The following RBM47 variants were observed in gnomAD, a reference collection of about 807,000 sequenced individuals.
The protein encoded by RBM47 is RNA binding motif protein 47.
A neutral mutation model predicts 47.1 loss-of-function variants in RBM47; 21 were observed. The observed-to-expected ratio is 0.45, with a 90% CI of 0.32 to 0.64. The LOEUF (loss-of-function observed/expected upper bound fraction) is 0.64, where lower values mean the gene tolerates loss of function less well. Ranked by LOEUF, RBM47 falls within the 30% of genes least tolerant of loss-of-function variation. RBM47 has a pLI of 0.05. For synonymous variants in RBM47, 375 were observed against 361.7 expected (o/e 1.04, Z -0.42); for missense variants, 708 against 870.9 (o/e 0.81, Z 2.35).
chr4:40,513,841 C>G (rs763029766), intron 2 of RBM47, among the ~76,000 whole-genome samples: 29 of 152,166 alleles, frequency 1.9e-4, no homozygotes, highest in Non-Finnish European at 3.8e-4. Flanking sequence ...GCCTCAGCCT[C>G]CTGAGTAGCT....
At chr4:40,429,461 A>C (rs1715551301) in intron 6 of RBM47, among the ~76,000 whole-genome samples, 1 of 152,058 alleles carries the variant, frequency 6.6e-6, no homozygotes, top group South Asian at 2.1e-4. Flanking sequence ...GGGTCTTGGA[A>C]TGTATCCCCC....
intron 2 of RBM47, among the ~76,000 whole-genome samples, chr4:40,472,494 G>A (rs1044227422): frequency 2.0e-5 from 3 of 151,214 alleles, no homozygotes; most frequent in Non-Finnish European, 2.9e-5. Context: ...CCTGGGAGGT[G>A]GAGGTTGCAG....
At chr4:40,500,390 A>G (rs1041164715) in intron 2 of RBM47, among the ~76,000 whole-genome samples, 3 of 152,108 alleles carry the variant, frequency 2.0e-5, no homozygotes, top group South Asian at 2.1e-4. Flanking sequence ...GATGGGCGAA[A>G]TGCTTGAATC....
intron 1 of RBM47, among the ~76,000 whole-genome samples, chr4:40,604,562 G>C (rs1735575317): frequency 6.6e-6 from 1 of 152,150 alleles, no homozygotes; most frequent in South Asian, 2.1e-4. Context: ...GGGAGTTAAA[G>C]GCTGCAGTGA....
chr4:40,618,808 CAAAAAA>C (rs35543412), intron 1 of RBM47, among the ~76,000 whole-genome samples: 3 of 27,608 alleles, frequency 1.1e-4, no homozygotes, highest in East Asian at 1.3e-3. Flanking sequence ...GACTCCATCT[CAAAAAA>C]AAAAAAAAAA....
intron 2 of RBM47, among the ~76,000 whole-genome samples, chr4:40,528,150 T>C (rs7665507): frequency 0.57 from 87,382 of 152,088 alleles, 28,277 homozygotes; most frequent in African/African-American, 0.89. Context: ...TGGTGGCTCA[T>C]GCCTGTAATC....
chr4:40,574,014 A>T (rs1396607830), intron 1 of RBM47, among the ~76,000 whole-genome samples: 1 of 152,218 alleles, frequency 6.6e-6, no homozygotes, highest in Non-Finnish European at 1.5e-5. Context: ...CTTTTGCCAC[A>T]AAGCTTTCAT....
intron 4 of RBM47, 108 bp downstream of exon 4, chr4:40,437,663 C>T: frequency 8.2e-7 from 1 of 1,212,406 alleles, no homozygotes; most frequent in Non-Finnish European, 1.2e-6. Flanking sequence ...GTGGGAGGGC[C>T]TTCAGCACCT....
At chr4:40,489,538 T>C (rs950857755) in intron 2 of RBM47, among the ~76,000 whole-genome samples, 8 of 152,170 alleles carry the variant, frequency 5.3e-5, no homozygotes, top group Non-Finnish European at 1.2e-4. Context: ...AGAAATACTA[T>C]GAACAATTAT....
At chr4:40,522,765 A>G (rs969878051) in intron 2 of RBM47, among the ~76,000 whole-genome samples, 1 of 152,142 alleles carries the variant, frequency 6.6e-6, no homozygotes, top group Non-Finnish European at 1.5e-5. Flanking sequence ...GAAAAAATAT[A>G]AACGACATGA....
At chr4:40,482,486 T>C (rs1720570626) in intron 2 of RBM47, among the ~76,000 whole-genome samples, 1 of 152,074 alleles carries the variant, frequency 6.6e-6, no homozygotes, top group African/African-American at 2.4e-5. Context: ...ACTCCTGACC[T>C]CAGGTAATCC....
chr4:40,533,657 ACTGGAT>A (rs1339522636), intron 2 of RBM47, among the ~76,000 whole-genome samples: 2 of 151,852 alleles, frequency 1.3e-5, no homozygotes, highest in Admixed American at 6.6e-5. Flanking sequence ...ATTTTTTGAG[ACTGGAT>A]CTCAGTCTGT....
At chr4:40,579,151 G>A (rs1342066737) in intron 1 of RBM47, among the ~76,000 whole-genome samples, 9 of 149,360 alleles carry the variant, frequency 6.0e-5, no homozygotes, top group South Asian at 2.1e-4. Context: ...AGCCAGGCAC[G>A]GTGGCTCACG....
At chr4:40,478,245 C>A (rs868344094) in intron 2 of RBM47, among the ~76,000 whole-genome samples, 2 of 151,950 alleles carry the variant, frequency 1.3e-5, no homozygotes, top group Non-Finnish European at 2.9e-5. Flanking sequence ...GAACTCCCGA[C>A]CTCAGGTGAT....
At chr4:40,586,649 C>T (rs1229666439) in intron 1 of RBM47, among the ~76,000 whole-genome samples, 1 of 150,688 alleles carries the variant, frequency 6.6e-6, no homozygotes, top group Non-Finnish European at 1.5e-5. Flanking sequence ...GAGAATGGGA[C>T]TCCTGAGAAC....
At position 40,581,349 on chromosome 4, in the gene RBM47, G is replaced by A. The variant is rs1732898903; in HGVS notation, c.-239-36843C>T. On this transcript the variant is annotated intron_variant, in intron 1 of 6. Coordinates refer to ENST00000295971, the MANE Select transcript of RBM47 (RefSeq NM_001098634.2). ...AGGTGGGAAGATCCCTTGAGTCCGG[G>A]AAGCAGCGGTTGCAGTGAGCCGAGC... Among the ~76,000 whole-genome samples, 4 of 151,778 alleles carry A rather than the reference G, an allele frequency of 2.6e-5. No individual in the cohort carries two copies. The South Asian group carries it at 8.3e-4, about 32-fold the overall frequency.
intron 1 of RBM47, among the ~76,000 whole-genome samples, chr4:40,612,520 A>G (rs1435773196): frequency 6.6e-6 from 1 of 152,206 alleles, no homozygotes; most frequent in Middle Eastern, 3.2e-3. Flanking sequence ...TCTGTCTCTC[A>G]AAAAAGAAGA....
At chr4:40,614,358 TC>T (rs1455077060) in intron 1 of RBM47, among the ~76,000 whole-genome samples, 1 of 151,988 alleles carries the variant, frequency 6.6e-6, no homozygotes, top group African/African-American at 2.4e-5. Context: ...CAAAGCCTAG[TC>T]CAAAATCTCC....
chr4:40,536,269 G>A (rs1363442357), intron 2 of RBM47, among the ~76,000 whole-genome samples: 1 of 152,180 alleles, frequency 6.6e-6, no homozygotes, highest in Non-Finnish European at 1.5e-5. Context: ...GGGGCAACCT[G>A]CTTTACCCAA....
Sources: gnomAD v4.1 joint callset for allele counts (sites outside exome capture counted in the v4.1 genomes callset) on GRCh38, gnomAD v4.1.1 for gene constraint, MANE v1.5 for transcripts, NCBI Gene and HGNC (gene_info 2026-07-23, HGNC 2026-07-21) for gene names.